ZFYVE27: variants seen among roughly 807,000 people sequenced by gnomAD.
ZFYVE27 encodes protrudin.
A neutral mutation model predicts 52.8 loss-of-function variants in ZFYVE27; 36 were observed. The observed-to-expected ratio is 0.68, with a 90% CI of 0.52 to 0.90. The LOEUF (loss-of-function observed/expected upper bound fraction) is 0.90, where lower values mean the gene tolerates loss of function less well. Among genes scored for constraint, ZFYVE27 ranks in the 40% least tolerant of loss-of-function variants. The probability of loss-of-function intolerance (pLI) is 0.00; values close to 1 mark genes in which losing one functional copy is unlikely to be tolerated. For synonymous variants in ZFYVE27, 223 were observed against 215.6 expected (o/e 1.03, Z -0.30); for missense variants, 450 against 527.2 (o/e 0.85, Z 1.43).
chr10:97,744,458 G>A lies in ZFYVE27; in HGVS notation c.269-271G>A, dbSNP rs150654079. On this transcript the variant is annotated intron_variant, in intron 3 of 12. Transcript: ENST00000684270. Reference sequence around the variant, plus strand: ...GGATGGGGCCACAGCAGTGACCAAAGGGACAAAGTCCCAGCCCTCAAGAGC... The same window carrying A: ...GGATGGGGCCACAGCAGTGACCAAAAGGACAAAGTCCCAGCCCTCAAGAGC... Among the ~76,000 whole-genome samples the A allele has an allele frequency of 3.1e-3, 474 of 152,360 alleles. 1 individual carries two copies. The highest frequency in any genetic ancestry group is 0.011 in the African/African-American group (448 of 41,592).
intron 2 of ZFYVE27, among the ~76,000 whole-genome samples, chr10:97,740,715 A>G (rs1185323692): frequency 6.6e-6 from 1 of 152,220 alleles, no homozygotes; most frequent in Admixed American, 6.5e-5. Context: ...GAGAGGGAGC[A>G]CTGGTCCATG....
chr10:97,747,843 AAAC>A (rs1364003677), intron 4 of ZFYVE27, among the ~76,000 whole-genome samples: 2 of 152,308 alleles, frequency 1.3e-5, no homozygotes, highest in South Asian at 2.1e-4. Flanking sequence ...ATGTTTAAAA[AAAC>A]AACAACCAGA....
chr10:97,754,359 C>T (rs1044427157), intron 10 of ZFYVE27, among the ~76,000 whole-genome samples: 1 of 148,420 alleles, frequency 6.7e-6, no homozygotes, highest in African/African-American at 2.5e-5. Context: ...GTCTCCCAGG[C>T]TGGAGTGCAG....
Position 97,753,066 on chromosome 10 carries a change from C to T in ZFYVE27, c.926C>T (p.Ala309Val). ...GATGATGAGGGCGCCCCGTGCCCAG[C>T]AGAGGATGAGCTGGCCCTGCAGGAC... is the stretch of plus-strand genomic sequence containing the variant. ...LEDDEGAPCP[A>V]EDELALQDNG... The change falls in exon 10 of 13, where the codon GCA (alanine) becomes GTA (valine). Residue 309 changes from alanine to valine, a missense_variant. Physicochemically the swap from Ala to Val is moderately conservative, Grantham distance 64. Coordinates refer to ENST00000684270, the MANE Select transcript of ZFYVE27 (RefSeq NM_001385875.1). 1 of 1,611,926 alleles carries T rather than the reference C, an allele frequency of 6.2e-7. No individual in the cohort carries two copies. The highest frequency in any genetic ancestry group is 8.5e-7 in the Non-Finnish European group (1 of 1,179,246).
intron 3 of ZFYVE27, among the ~76,000 whole-genome samples, 193 bp from the exon 4 acceptor site, chr10:97,744,536 A>G (rs1325232754): frequency 6.6e-6 from 1 of 152,250 alleles, no homozygotes; most frequent in Non-Finnish European, 1.5e-5. Context: ...ATGTGGTGAT[A>G]AGGTCTATGA....
intron 5 of ZFYVE27, 85 bp from the exon 6 acceptor site, chr10:97,749,389 C>G (rs1473327295): frequency 2.0e-6 from 2 of 982,774 alleles, no homozygotes; most frequent in African/African-American, 1.6e-5. Flanking sequence ...TGTGTCTCAC[C>G]TGGACCCTGC....
At chr10:97,748,179 C>G in intron 4 of ZFYVE27, 90 bp from the exon 5 acceptor site, 1 of 1,190,002 alleles carries the variant, frequency 8.4e-7, no homozygotes, top group Non-Finnish European at 1.2e-6. Flanking sequence ...AAGAGATTGA[C>G]CATCCCTAGC....
At position 97,738,585 on chromosome 10, in the gene ZFYVE27, C is replaced by T. The variant is rs2135876534; in HGVS notation, c.108C>T (p.Asp36=). Residue 36 remains aspartate, a synonymous_variant, in exon 2 of 13, where the codon GAC becomes GAT. Coordinates refer to ENST00000684270, the MANE Select transcript of ZFYVE27 (RefSeq NM_001385875.1). ...TTCCTACCAAGTCCCCAGCGTTTGA[C>T]CTTTTCAACTTGGTTCTCTCCTACA... ...PPFPTKSPAF[D]LFNLVLSYKR... 1 of 1,614,210 alleles carries T rather than the reference C, an allele frequency of 6.2e-7. No homozygotes were observed. The highest frequency in any genetic ancestry group is 2.2e-5 in the East Asian group (1 of 44,886).
In ZFYVE27 at chr10:97,750,651, G is replaced by A. The variant is rs570919601; in HGVS notation, c.804+181G>A. ...AAACAGCTACTCCATGCTTCACTGA[G>A]TGCTTACCCTGTGTCAGATGCTGCT... is the stretch of plus-strand genomic sequence containing the variant. On this transcript the variant is annotated intron_variant, in intron 7 of 12. Transcript: ENST00000684270. Among the ~76,000 whole-genome samples the A allele has an allele frequency of 3.9e-5, 6 of 152,198 alleles. No homozygotes were observed. In the South Asian group the frequency reaches 1.2e-3, roughly 32 times the overall value.
intron 3 of ZFYVE27, 118 bp from the exon 4 acceptor site, chr10:97,744,611 A>G: frequency 2.5e-6 from 3 of 1,198,370 alleles, no homozygotes; most frequent in Middle Eastern, 2.7e-4. Flanking sequence ...CAGAGCTATC[A>G]GGGAAGGCCT....
intron 3 of ZFYVE27, among the ~76,000 whole-genome samples, chr10:97,743,823 A>G (rs929113803): frequency 6.6e-6 from 1 of 152,178 alleles, no homozygotes; most frequent in African/African-American, 2.4e-5. Context: ...ACCTCTTACT[A>G]CAGTGCATAC....
intron 2 of ZFYVE27, among the ~76,000 whole-genome samples, chr10:97,742,034 G>A (rs773163743): frequency 2.0e-5 from 3 of 151,604 alleles, no homozygotes; most frequent in Non-Finnish European, 4.4e-5. Flanking sequence ...TAGGGAGGCT[G>A]AGACAGAATC....
Position 97,743,175 on chromosome 10 carries a change from C to T in ZFYVE27, c.268+11C>T. On this transcript the variant is annotated intron_variant, in intron 3 of 12. Coordinates refer to ENST00000684270, the MANE Select transcript of ZFYVE27 (RefSeq NM_001385875.1). ...TCACTTTGAATGAGGGTAAGAACTG[C>T]CTTCAGGGGCCAGTGGTTTTTGTGA... 2 of 1,614,168 alleles carry T rather than the reference C, an allele frequency of 1.2e-6. No individual in the cohort carries two copies. The highest frequency in any genetic ancestry group is 1.7e-5 in the Admixed American group (1 of 60,018).
chr10:97,743,797 G>A (rs766998155), intron 3 of ZFYVE27, among the ~76,000 whole-genome samples: 30 of 152,212 alleles, frequency 2.0e-4, no homozygotes, highest in Non-Finnish European at 3.7e-4. Flanking sequence ...GGGGTCATGG[G>A]TAATGTCTTC....
Position 97,744,895 on chromosome 10 carries a change from C to T in ZFYVE27, c.435C>T (p.Ala145=), listed in dbSNP as rs532054626. The change falls in exon 4 of 13, where the codon GCC becomes GCT. Residue 145 remains alanine, a synonymous_variant. Transcript: ENST00000684270. ...GAGGTCGCCTGTCTCGTCCCGAGGC[C>T]GTGGCTGAGGTGAAGAGCTTGTGAG... is the stretch of plus-strand genomic sequence containing the variant. ...LQRGRLSRPE[A]VAEVKSFLIQ... The T allele has an allele frequency of 2.3e-5, 36 of 1,589,838 alleles. No homozygotes were observed. Among genetic ancestry groups the T allele is most frequent in the African/African-American group, 1.5e-4 (11 of 74,552 alleles).
intron 4 of ZFYVE27, among the ~76,000 whole-genome samples, chr10:97,747,688 T>A (rs1448116586): frequency 6.6e-6 from 1 of 152,180 alleles, no homozygotes; most frequent in Admixed American, 6.5e-5. Flanking sequence ...TTTGAATGCT[T>A]CCTTTATGGT....
intron 2 of ZFYVE27, among the ~76,000 whole-genome samples, chr10:97,740,699 T>G (rs1374451019): frequency 1.3e-5 from 2 of 152,234 alleles, no homozygotes; most frequent in Admixed American, 6.5e-5. Context: ...GTTTCTGTGC[T>G]GCTGGGAGAG....
At chr10:97,746,183 G>C (rs1446345455) in intron 4 of ZFYVE27, among the ~76,000 whole-genome samples, 1 of 151,616 alleles carries the variant, frequency 6.6e-6, no homozygotes, top group Non-Finnish European at 1.5e-5. Context: ...AGAGTAGCTG[G>C]GATTACAGGC....
intron 10 of ZFYVE27, among the ~76,000 whole-genome samples, chr10:97,753,680 A>G (rs1424794748): frequency 6.6e-6 from 1 of 152,210 alleles, no homozygotes; most frequent in Non-Finnish European, 1.5e-5. Context: ...CAAATGAGAC[A>G]GTAGTACTTA....
Sources: allele counts gnomAD v4.1 joint callset (sites outside exome capture counted in the v4.1 genomes callset), GRCh38; gene constraint gnomAD v4.1.1; transcripts MANE v1.5; gene names NCBI Gene and HGNC (gene_info 2026-07-23, HGNC 2026-07-21).